The following ANK2 variants were observed in gnomAD, a reference collection of about 807,000 sequenced individuals.
ANK2 encodes the protein ankyrin-2.
Under a neutral mutation model 360.5 loss-of-function variants are expected in ANK2, and 83 were observed. That is an observed-to-expected ratio of 0.23 (90% CI 0.19 to 0.28). The LOEUF is 0.28. ANK2 is among the 10% of genes least tolerant of loss of function. ANK2 has a pLI of 1.00. For synonymous variants in ANK2, 1,740 were observed against 1,759.5 expected, an observed-to-expected ratio of 0.99 and a Z score of 0.28; for missense variants, 4,201 against 4,795.7, an observed-to-expected ratio of 0.88 and a Z score of 3.66.
chr4:113,367,921 A>G, intron 42 of ANK2, 70 bp downstream of exon 42: 1 of 1,568,568 alleles, frequency 6.4e-7, no homozygotes, highest in Admixed American at 1.7e-5. Flanking sequence ...CCAGGCATAT[A>G]TAAGCATAAC....
At chr4:112,788,455 G>T in the ANK2 span, 3 of 1,601,738 alleles carry the variant, frequency 1.9e-6, no homozygotes, top group Non-Finnish European at 2.6e-6. Flanking sequence ...CCAAGGTGGT[G>T]ACGGTGTTAA....
chr4:112,737,272 T>A, the ANK2 span, among the ~76,000 whole-genome samples: 13 of 152,336 alleles, frequency 8.5e-5, no homozygotes, highest in East Asian at 1.2e-3. Context: ...TAATGCTTGA[T>A]TTAATAACAT....
upstream of ANK2, among the ~76,000 whole-genome samples, chr4:112,813,236 TA>T (rs11393659): frequency 1.1e-3 from 134 of 124,906 alleles, no homozygotes; most frequent in African/African-American, 1.9e-3. Flanking sequence ...AGACTCTGTC[TA>T]AAAAAAAAAA....
intron 1 of ANK2, among the ~76,000 whole-genome samples, chr4:113,101,409 T>G (rs1427721255): frequency 6.6e-6 from 1 of 152,158 alleles, no homozygotes; most frequent in East Asian, 1.9e-4. Flanking sequence ...TCTAGGAAAT[T>G]CAATATGGAT....
intron 1 of ANK2, among the ~76,000 whole-genome samples, chr4:113,172,991 G>GT: frequency 6.6e-6 from 1 of 152,296 alleles, no homozygotes; most frequent in African/African-American, 2.4e-5. Flanking sequence ...TCTGCCATTG[G>GT]TACAGACTTC....
chr4:113,155,992 G>T (rs2097273276), intron 1 of ANK2, among the ~76,000 whole-genome samples: 1 of 152,194 alleles, frequency 6.6e-6, no homozygotes, highest in South Asian at 2.1e-4. Context: ...TGTCTTTTCA[G>T]TTAGCAACTT....
In ANK2 at chr4:113,358,554, C is replaced by T. The variant is rs758162927; in HGVS notation, c.9936C>T (p.Ser3312=). Residue 3312 remains serine, a synonymous_variant, in exon 38 of 46, where the codon TCC becomes TCT. Coordinates refer to ENST00000357077, the MANE Select transcript of ANK2 (RefSeq NM_001148.6). Reference sequence around the variant, plus strand: ...TTCCTGTAAGGACTATGCCCACTTCCACCCCAGCACCTCCATCTGCAGAGT... The same window carrying T: ...TTCCTGTAAGGACTATGCCCACTTCTACCCCAGCACCTCCATCTGCAGAGT... ...SKIPVRTMPT[S]TPAPPSAEYE... is the part of the protein sequence containing the mutation. 91 of 1,613,944 alleles carry T rather than the reference C, an allele frequency of 5.6e-5. No individual in the cohort carries two copies. In the Admixed American group the frequency reaches 1.4e-3, roughly 25 times the overall value.
intron 1 of ANK2, among the ~76,000 whole-genome samples, chr4:113,100,829 C>T (rs553205585): frequency 1.4e-4 from 21 of 152,116 alleles, no homozygotes; most frequent in Non-Finnish European, 2.8e-4. Context: ...AAATATGCAG[C>T]AGCTGTAAGG....
At chr4:113,308,023 G>T (rs1204776522) in intron 23 of ANK2, among the ~76,000 whole-genome samples, 1 of 152,052 alleles carries the variant, frequency 6.6e-6, no homozygotes, top group Non-Finnish European at 1.5e-5. Context: ...ATTCATTTTA[G>T]GTTTGTTCTA....
At position 112,925,379 on chromosome 4, in the gene ANK2, T is replaced by C. The variant is rs116224786; in HGVS notation, c.21+20865T>C. On this transcript the variant is annotated intron_variant, in intron 2 of 30. Transcript: ENST00000503271. Reference sequence around the variant, plus strand: ...CACTGTCTTAGAAGAATAACATCCATCTGTTTTCTATCTGCTACAGTACAT... The same window carrying C: ...CACTGTCTTAGAAGAATAACATCCACCTGTTTTCTATCTGCTACAGTACAT... Among the ~76,000 whole-genome samples, 1,292 of 152,330 alleles carry C rather than the reference T, an allele frequency of 8.5e-3. 15 individuals are homozygous for C. Among genetic ancestry groups the C allele is most frequent in the African/African-American group, 0.028 (1,179 of 41,570 alleles).
the ANK2 span, among the ~76,000 whole-genome samples, chr4:112,728,764 G>A: frequency 6.6e-6 from 1 of 151,986 alleles, no homozygotes; most frequent in African/African-American, 2.4e-5. Context: ...AATAACAAGT[G>A]AAAAATACAT....
chr4:113,100,672 C>T (rs78659136), intron 1 of ANK2, among the ~76,000 whole-genome samples: 5,378 of 152,100 alleles, frequency 0.035, 190 homozygotes, highest in African/African-American at 0.081. Flanking sequence ...CAGAAATCTG[C>T]GCTTGAATGT....
At chr4:113,327,294 A>C (rs555432133) in intron 26 of ANK2, among the ~76,000 whole-genome samples, 1 of 152,208 alleles carries the variant, frequency 6.6e-6, no homozygotes, top group Non-Finnish European at 1.5e-5. Flanking sequence ...CTAGTCCTCT[A>C]TCAAAGGAAA....
intron 2 of ANK2, among the ~76,000 whole-genome samples, chr4:113,185,926 T>C (rs2098513158): frequency 2.6e-5 from 4 of 152,204 alleles, no homozygotes; most frequent in Admixed American, 2.6e-4. Flanking sequence ...TTTCTGCATA[T>C]GGCTAGCCAG....
chr4:113,235,092 T>A (rs757581050), intron 5 of ANK2, among the ~76,000 whole-genome samples: 7 of 152,214 alleles, frequency 4.6e-5, no homozygotes, highest in Non-Finnish European at 1.0e-4. Flanking sequence ...AACTTTTTAA[T>A]GACATTCTGT....
At chr4:113,011,436 G>A (rs2054687892) in intron 2 of ANK2, among the ~76,000 whole-genome samples, 1 of 152,022 alleles carries the variant, frequency 6.6e-6, no homozygotes, top group South Asian at 2.1e-4. Context: ...ATGTGACATG[G>A]GAGCTCTCCT....
At chr4:113,079,185 T>G (rs1041274495) in intron 1 of ANK2, among the ~76,000 whole-genome samples, 4 of 152,194 alleles carry the variant, frequency 2.6e-5, no homozygotes, top group Non-Finnish European at 4.4e-5. Context: ...CTTTTCAGTA[T>G]AGTTGACCGA....
chr4:113,335,746 G>T (rs2093440273), intron 29 of ANK2, 100 bp from the exon 30 acceptor site: 3 of 1,238,646 alleles, frequency 2.4e-6, no homozygotes, highest in South Asian at 1.2e-5. Context: ...TGTTTTGCTG[G>T]CACTTCTGTT....
Position 113,318,650 on chromosome 4 carries a change from C to A in ANK2, c.2900+30C>A. 3 of 1,549,160 alleles carry A rather than the reference C, an allele frequency of 1.9e-6. No homozygotes were observed. The South Asian group carries it at 3.5e-5, about 18-fold the overall frequency. ...GTAAATCAATATTATGTATCCTGAT[C>A]AAGAGGTAAAAAGAGATGGGAGTGA... On this transcript the variant is annotated intron_variant, in intron 26 of 45. Coordinates refer to ENST00000357077, the MANE Select transcript of ANK2 (RefSeq NM_001148.6).
Sources: gnomAD v4.1 joint callset for allele counts (sites outside exome capture counted in the v4.1 genomes callset) on GRCh38, gnomAD v4.1.1 for gene constraint, MANE v1.5 for transcripts, NCBI Gene and HGNC (gene_info 2026-07-23, HGNC 2026-07-21) for gene names.